The following DUS4L variants were observed in gnomAD, a reference collection of about 807,000 sequenced individuals.
The protein encoded by DUS4L is dihydrouridine synthase 4 like, also known as tRNA-dihydrouridine(20a/20b) synthase [NAD(P)+]-like.
Under a neutral mutation model 33.8 loss-of-function variants are expected in DUS4L, and 31 were observed. That is an observed-to-expected ratio of 0.92 (90% CI 0.69 to 1.24). The LOEUF (loss-of-function observed/expected upper bound fraction) is 1.24, where lower values mean the gene tolerates loss of function less well. DUS4L is among the 50% of genes most tolerant of loss of function. The pLI, the probability that DUS4L is intolerant of heterozygous loss-of-function variation, is 0.00. For missense variants in DUS4L, 368 were observed against 388.6 expected (o/e 0.95, Z 0.45); for synonymous variants, 103 against 120.3 (o/e 0.86, Z 0.94).
intron 2 of DUS4L, among the ~76,000 whole-genome samples, chr7:107,565,700 T>A (rs1340170340): frequency 6.6e-6 from 1 of 152,068 alleles, no homozygotes; most frequent in East Asian, 1.9e-4. Flanking sequence ...ATTTTTATAA[T>A]TTTTTTAGAG....
intron 7 of DUS4L, chr7:107,577,061 C>A: frequency 2.3e-6 from 1 of 436,586 alleles, no homozygotes; most frequent in Non-Finnish European, 3.9e-6. Flanking sequence ...TAAAGAAAAA[C>A]TAAAGACTAA....
intron 3 of DUS4L, chr7:107,570,767 C>G (rs1308739013): frequency 4.5e-6 from 1 of 221,926 alleles, no homozygotes; most frequent in East Asian, 1.6e-4. Flanking sequence ...AGAACATTTT[C>G]CTGGTCCTTT....
chr7:107,569,827 A>G (rs181992608), intron 3 of DUS4L, among the ~76,000 whole-genome samples: 14 of 152,354 alleles, frequency 9.2e-5, no homozygotes, highest in Admixed American at 8.5e-4. Flanking sequence ...TTCAGAGTCT[A>G]TATGAACAAC....
chr7:107,571,923 A>T (rs1584993681), intron 4 of DUS4L, among the ~76,000 whole-genome samples: 5 of 152,278 alleles, frequency 3.3e-5, no homozygotes, highest in Middle Eastern at 6.8e-3. Flanking sequence ...AAGTCCTTGA[A>T]CATACACTGT....
intron 6 of DUS4L, among the ~76,000 whole-genome samples, chr7:107,576,025 C>T (rs953612420): frequency 2.0e-5 from 3 of 152,190 alleles, no homozygotes; most frequent in African/African-American, 7.2e-5. Context: ...GTATTATATT[C>T]TCCCACTGGG....
At chr7:107,564,929 T>TA (rs1323273300) in intron 2 of DUS4L, among the ~76,000 whole-genome samples, 3 of 152,358 alleles carry the variant, frequency 2.0e-5, no homozygotes, top group Admixed American at 6.5e-5. Context: ...AAGGTGCTAT[T>TA]ACTTATCCTG....
intron 7 of DUS4L, chr7:107,576,913 T>C (rs1805807403): frequency 3.3e-6 from 1 of 300,276 alleles, no homozygotes; most frequent in Non-Finnish European, 6.1e-6. Context: ...TGATAAGAGC[T>C]AAAGGAATCC....
intron 5 of DUS4L, chr7:107,574,968 C>A (rs1805597894): frequency 1.8e-6 from 1 of 565,542 alleles, no homozygotes; most frequent in African/African-American, 2.0e-5. Flanking sequence ...TTCTCACTTG[C>A]CAATGAAAAC....
Position 107,578,266 on chromosome 7 carries a change from A to G in DUS4L, c.*706A>G, listed in dbSNP as rs879302881. On this transcript the variant is annotated 3_prime_UTR_variant, in exon 8 of 8. Coordinates refer to ENST00000265720, the MANE Select transcript of DUS4L (RefSeq NM_181581.3). ...AGAATAGTAACCAGGTTTTGTTTTTAACTTTAAAACCTAATTACTTTTGTG... is the reference window on the plus strand; with the variant it reads ...AGAATAGTAACCAGGTTTTGTTTTTGACTTTAAAACCTAATTACTTTTGTG... 1.3e-5 allele frequency: 2 copies of G among 152,214 alleles called. No homozygotes were observed. The highest frequency in any genetic ancestry group is 2.9e-5 in the Non-Finnish European group (2 of 68,030). The allele number at this position is 152,214 out of a possible 1,614,324, so 9.4% of individuals were successfully genotyped here.
rs577904190 is a variant in DUS4L, at chr7:107,577,792, C to G, written c.*232C>G. ...GAAAACTCCCAGTGGTTCAAACATC[C>G]TGATCATCCTAGGCAAACATTGACA... On this transcript the variant is annotated 3_prime_UTR_variant, in exon 8 of 8. Transcript: ENST00000265720. 2.2e-4 allele frequency: 87 copies of G among 394,428 alleles called. No individual in the cohort carries two copies. The highest frequency in any genetic ancestry group is 1.6e-3 in the Admixed American group (41 of 25,634). 24.4% of individuals were successfully genotyped at this position (394,428 alleles called of 1,614,324 possible).
chr7:107,570,762 A>T (rs764513308), intron 3 of DUS4L: 1 of 221,734 alleles, frequency 4.5e-6, no homozygotes, highest in Non-Finnish European at 8.9e-6. Flanking sequence ...CAGACAGAAC[A>T]TTTTCCTGGT....
chr7:107,569,158 G>A (rs1223333771), intron 3 of DUS4L, among the ~76,000 whole-genome samples: 5 of 152,124 alleles, frequency 3.3e-5, no homozygotes, highest in African/African-American at 9.7e-5. Flanking sequence ...AGCCAAGATC[G>A]CACCACTGCA....
chr7:107,567,022 C>T (rs1804772694), intron 2 of DUS4L, 28 bp from the exon 3 acceptor site: 7 of 1,439,168 alleles, frequency 4.9e-6, no homozygotes, highest in Non-Finnish European at 5.7e-6. Flanking sequence ...AACATATTTT[C>T]TCTATACAAG....
In DUS4L at chr7:107,571,315, TAC is replaced by T. The variant is rs1805212875; in HGVS notation, c.238+51_238+52del. On this transcript the variant is annotated intron_variant, in intron 4 of 7. Coordinates refer to ENST00000265720, the MANE Select transcript of DUS4L (RefSeq NM_181581.3). ...CTTTGTAAAACTTTTTAAATTTGTT[TAC>T]AAACTCAACTATCTTATCAGAAACA... 3 of 1,572,962 alleles carry T rather than the reference TAC, an allele frequency of 1.9e-6. No homozygotes were observed. In the African/African-American group the frequency reaches 4.1e-5, roughly 22 times the overall value.
At position 107,577,234 on chromosome 7, in the gene DUS4L, A is replaced by G. The variant is rs943576401; in HGVS notation, c.707-79A>G. ...TTGTGATAATACTTTTTAAAAATAT[A>G]CTGTTTGCTTCATTGAGCTTGAACT... On this transcript the variant is annotated intron_variant, in intron 7 of 7. Transcript: ENST00000265720. 3.2e-6 allele frequency: 5 copies of G among 1,553,462 alleles called. No homozygotes were observed. The African/African-American group carries it at 4.1e-5, about 13-fold the overall frequency.
chr7:107,568,919 C>T (rs1345329695), intron 3 of DUS4L, among the ~76,000 whole-genome samples: 2 of 152,242 alleles, frequency 1.3e-5, no homozygotes. Flanking sequence ...GGCTATCAGC[C>T]AGGCACAGTG....
chr7:107,564,340 C>T lies in DUS4L; in HGVS notation c.-111+131C>T, dbSNP rs114481539. The T allele has an allele frequency of 1.5e-3, 541 of 361,182 alleles. 4 individuals carry two copies. The highest frequency in any genetic ancestry group is 0.011 in the African/African-American group (501 of 46,584). The allele number at this position is 361,182 out of a possible 1,614,324, so 22.4% of individuals were successfully genotyped here. A position where few individuals can be genotyped will look rare whatever the true frequency, so the allele number is the denominator to read the frequency against. ...GAGCTTCGTTTGCCCTCCACACTCA[C>T]AAGAGTCACGCGTTAGTTGCTACAC... On this transcript the variant is annotated intron_variant, in intron 1 of 7. Coordinates refer to ENST00000265720, the MANE Select transcript of DUS4L (RefSeq NM_181581.3).
chr7:107,564,135 G>C lies in DUS4L; in HGVS notation c.-185G>C. Reference sequence around the variant, plus strand: ...CGAGGGAGCCAAGGCCGTCGGGCCGGCGCTTTCAGCTGTCTCTCGCAGCAG... The same window carrying C: ...CGAGGGAGCCAAGGCCGTCGGGCCGCCGCTTTCAGCTGTCTCTCGCAGCAG... On this transcript the variant is annotated 5_prime_UTR_variant, in exon 1 of 8. Transcript: ENST00000265720. 2 of 856,732 alleles carry C rather than the reference G, an allele frequency of 2.3e-6. No individual in the cohort carries two copies. The highest frequency in any genetic ancestry group is 1.6e-5 in the South Asian group (1 of 60,726). 53.1% of individuals were successfully genotyped at this position (856,732 alleles called of 1,614,324 possible).
At chr7:107,567,668 C>T in intron 3 of DUS4L, 1 of 321,028 alleles carries the variant, frequency 3.1e-6, no homozygotes, top group Non-Finnish European at 6.2e-6. Flanking sequence ...AAATTTACCT[C>T]TCGATCATTT....
Sources: allele counts gnomAD v4.1 joint callset (sites outside exome capture counted in the v4.1 genomes callset), GRCh38; gene constraint gnomAD v4.1.1; transcripts MANE v1.5; gene names NCBI Gene and HGNC (gene_info 2026-07-23, HGNC 2026-07-21).